Variants in SPATA18 observed in about 807,000 individuals in gnomAD.
SPATA18 encodes spermatogenesis associated 18.
A neutral mutation model predicts 68.1 loss-of-function variants in SPATA18; 54 were observed. The observed-to-expected ratio is 0.79, with a 90% confidence interval of 0.64 to 0.99. The LOEUF (loss-of-function observed/expected upper bound fraction) is 0.99. Ranked by LOEUF, SPATA18 falls within the 50% of genes least tolerant of loss-of-function variation. The probability of loss-of-function intolerance (pLI) is 0.00; values close to 1 mark genes in which losing one functional copy is unlikely to be tolerated. For synonymous variants in SPATA18, 242 were observed against 244.8 expected, an observed-to-expected ratio of 0.99 and a Z score of 0.11; for missense variants, 724 against 681.1, an observed-to-expected ratio of 1.06 and a Z score of -0.70.
rs771145891 is a variant in SPATA18 at position 52,096,418 on chromosome 4, T to C, written c.*1531T>C. The C allele has an allele frequency of 6.6e-6, 1 of 152,142 alleles. No individual in the cohort carries two copies. The highest frequency in any genetic ancestry group is 1.5e-5 in the Non-Finnish European group (1 of 68,016). 9.4% of individuals were successfully genotyped at this position (152,142 alleles called of 1,614,324 possible). A position where few individuals can be genotyped will look rare whatever the true frequency, so the allele number is the denominator to read the frequency against. On this transcript the variant is annotated 3_prime_UTR_variant, in exon 13 of 13. Transcript: ENST00000295213. ...GCCCCTCTTAACCCTGCAGACTCAATGTTCCCTTTTATAACAAGTATTTTA... is the reference window on the plus strand; with the variant it reads ...GCCCCTCTTAACCCTGCAGACTCAACGTTCCCTTTTATAACAAGTATTTTA...
chr4:52,089,800 C>T (rs1741774140), intron 11 of SPATA18, among the ~76,000 whole-genome samples: 1 of 152,058 alleles, frequency 6.6e-6, no homozygotes, highest in Non-Finnish European at 1.5e-5. Context: ...CTATTAGGTC[C>T]ACTTGGTCTA....
chr4:52,055,650 A>C (rs560532522), intron 1 of SPATA18, among the ~76,000 whole-genome samples: 2 of 152,196 alleles, frequency 1.3e-5, no homozygotes, highest in Admixed American at 1.3e-4. Context: ...GCATATAGGA[A>C]TTGTCTAAAA....
At chr4:52,083,854 C>T (rs1292493524) in intron 10 of SPATA18, among the ~76,000 whole-genome samples, 1 of 151,354 alleles carries the variant, frequency 6.6e-6, no homozygotes, top group Admixed American at 6.6e-5. Context: ...GATTCTCCTG[C>T]CTCAGCCTCC....
At chr4:52,065,181 A>G (rs915579717) in intron 4 of SPATA18, among the ~76,000 whole-genome samples, 2 of 151,982 alleles carry the variant, frequency 1.3e-5, no homozygotes, top group African/African-American at 4.8e-5. Flanking sequence ...TCTTTGTCAA[A>G]TGCATAGTTT....
intron 9 of SPATA18, among the ~76,000 whole-genome samples, 189 bp downstream of exon 9, chr4:52,080,108 A>G (rs894613535): frequency 6.6e-6 from 1 of 152,180 alleles, no homozygotes; most frequent in African/African-American, 2.4e-5. Context: ...TTTCCATTGA[A>G]CATATTGGTC....
At chr4:52,055,882 C>A (rs771054422) in intron 1 of SPATA18, among the ~76,000 whole-genome samples, 4 of 152,142 alleles carry the variant, frequency 2.6e-5, no homozygotes, top group African/African-American at 7.2e-5. Context: ...ACTCTAAATT[C>A]CTCCAGGGCA....
intron 4 of SPATA18, among the ~76,000 whole-genome samples, chr4:52,068,227 A>C (rs907383990): frequency 4.6e-5 from 7 of 152,156 alleles, no homozygotes; most frequent in Admixed American, 4.6e-4. Context: ...CTTATATTTG[A>C]ATTAAATATA....
At position 52,081,825 on chromosome 4, in the gene SPATA18, A is replaced by G. The variant is rs561256329; in HGVS notation, c.1356-562A>G. Among the ~76,000 whole-genome samples, 41 of 109,706 alleles carry G rather than the reference A, an allele frequency of 3.7e-4. 1 individual carries two copies. In the South Asian group the frequency reaches 9.7e-3, roughly 26 times the overall value. 72.0% of individuals were successfully genotyped at this position (109,706 alleles called of 152,430 possible). On this transcript the variant is annotated intron_variant, in intron 9 of 12. Transcript: ENST00000295213. ...TGTTGAGCTGTTTTTAATCAATGTC[A>G]TCTTTTTTTTTTCCTAACCACCTGC...
Position 52,051,476 on chromosome 4 carries a change from G to A in SPATA18, c.-229G>A. The A allele has an allele frequency of 7.4e-6, 4 of 542,128 alleles. No individual in the cohort carries two copies. The highest frequency in any genetic ancestry group is 1.3e-5 in the Non-Finnish European group (4 of 304,136). The allele number at this position is 542,128 out of a possible 1,614,324, so 33.6% of individuals were successfully genotyped here. Reference sequence around the variant, plus strand: ...GGCTGCTGGGGAGCCAGGAGACCGCGCGGGACGGCGGATGAGGCGCGGCGG... The same window carrying A: ...GGCTGCTGGGGAGCCAGGAGACCGCACGGGACGGCGGATGAGGCGCGGCGG... On this transcript the variant is annotated 5_prime_UTR_variant, in exon 1 of 13. Transcript: ENST00000295213.
At chr4:52,085,858 C>T (rs527692088) in intron 11 of SPATA18, among the ~76,000 whole-genome samples, 6 of 152,064 alleles carry the variant, frequency 3.9e-5, no homozygotes, top group Non-Finnish European at 8.8e-5. Flanking sequence ...TGCAGTTAGC[C>T]GTGATTGTAC....
At position 52,072,001 on chromosome 4, in the gene SPATA18, G is replaced by C; in HGVS notation, c.603G>C (p.Trp201Cys). The change falls in exon 6 of 13, where the codon TGG becomes TGC. Residue 201 changes from tryptophan (W) to cysteine (C), a missense_variant. By Grantham distance (215) the Trp-to-Cys change is radical. Coordinates refer to ENST00000295213, the MANE Select transcript of SPATA18 (RefSeq NM_145263.4). ...CAGAGAATAGGCGGTCAGAGCCTTGGAGCTTGGAGGAGCGGAAGCGTGAGC... is the reference window on the plus strand; with the variant it reads ...CAGAGAATAGGCGGTCAGAGCCTTGCAGCTTGGAGGAGCGGAAGCGTGAGC... Reference protein sequence around the residue: ...RSSENRRSEPWSLEERKREQW... With the variant: ...RSSENRRSEPCSLEERKREQW... 6.2e-7 allele frequency: 1 copy of C among 1,613,964 alleles called. No individual in the cohort carries two copies. Among genetic ancestry groups the C allele is most frequent in the Non-Finnish European group, 8.5e-7 (1 of 1,180,018 alleles).
At chr4:52,091,231 A>G (rs1741918199) in intron 11 of SPATA18, among the ~76,000 whole-genome samples, 1 of 152,078 alleles carries the variant, frequency 6.6e-6, no homozygotes, top group African/African-American at 2.4e-5. Flanking sequence ...GTGGGTTAGA[A>G]CATACTCCTT....
intron 9 of SPATA18, among the ~76,000 whole-genome samples, chr4:52,081,027 C>T (rs1740875740): frequency 6.6e-6 from 1 of 152,206 alleles, no homozygotes; most frequent in South Asian, 2.1e-4. Context: ...GTTTCTCCAA[C>T]ATGGATCAAC....
chr4:52,074,089 C>T lies in SPATA18; in HGVS notation c.758+1933C>T, dbSNP rs555121457. On this transcript the variant is annotated intron_variant, in intron 6 of 12. Coordinates refer to ENST00000295213, the MANE Select transcript of SPATA18 (RefSeq NM_145263.4). ...AAACCTCCCCAAGGGGCAAGAGTTGCGATAGTTCCCACAACTCTGGCCACA... is the reference window on the plus strand; with the variant it reads ...AAACCTCCCCAAGGGGCAAGAGTTGTGATAGTTCCCACAACTCTGGCCACA... Among the ~76,000 whole-genome samples the T allele has an allele frequency of 2.9e-4, 44 of 152,174 alleles. 1 individual carries two copies. Among genetic ancestry groups the T allele is most frequent in the Middle Eastern group, 3.4e-3 (1 of 294 alleles).
In SPATA18 at chr4:52,094,991, T is replaced by C. The variant is rs1742311687; in HGVS notation, c.*104T>C. On this transcript the variant is annotated 3_prime_UTR_variant, in exon 13 of 13. Coordinates refer to ENST00000295213, the MANE Select transcript of SPATA18 (RefSeq NM_145263.4). Reference sequence around the variant, plus strand: ...GCCTCAGACCTCACTTAAGATAATGTCAAAAGGCAATTCTGTGTATCACCC... The same window carrying C: ...GCCTCAGACCTCACTTAAGATAATGCCAAAAGGCAATTCTGTGTATCACCC... 7.1e-7 allele frequency: 1 copy of C among 1,405,464 alleles called. No homozygotes were observed. The highest frequency in any genetic ancestry group is 1.7e-5 in the Admixed American group (1 of 59,430). The allele number at this position is 1,405,464 out of a possible 1,614,324, so 87.1% of individuals were successfully genotyped here. A position where few individuals can be genotyped will look rare whatever the true frequency, so the allele number is the denominator to read the frequency against.
chr4:52,074,843 G>T (rs943101756), intron 6 of SPATA18, among the ~76,000 whole-genome samples: 1 of 152,186 alleles, frequency 6.6e-6, no homozygotes, highest in African/African-American at 2.4e-5. Flanking sequence ...AGCATGGAGA[G>T]AAATGGTTGG....
chr4:52,086,620 A>G (rs1373127333), intron 11 of SPATA18, among the ~76,000 whole-genome samples: 1 of 152,160 alleles, frequency 6.6e-6, no homozygotes, highest in East Asian at 1.9e-4. Context: ...GCTGCATAGT[A>G]TTCCATGGTG....
intron 8 of SPATA18, 129 bp downstream of exon 8, chr4:52,079,022 G>T: frequency 9.6e-7 from 1 of 1,044,470 alleles, no homozygotes; most frequent in Non-Finnish European, 1.3e-6. Flanking sequence ...GAAAGGAACA[G>T]CATTCAATTT....
intron 4 of SPATA18, among the ~76,000 whole-genome samples, chr4:52,068,392 T>A (rs1436962633): frequency 6.6e-6 from 1 of 152,184 alleles, no homozygotes; most frequent in African/African-American, 2.4e-5. Context: ...TAGAGATGAA[T>A]AAAATAAAAT....
Sources: allele counts gnomAD v4.1 joint callset (sites outside exome capture counted in the v4.1 genomes callset), GRCh38; gene constraint gnomAD v4.1.1; transcripts MANE v1.5; gene names NCBI Gene and HGNC (gene_info 2026-07-23, HGNC 2026-07-21).